The following SPAG16 variants were observed in gnomAD, a reference collection of about 807,000 sequenced individuals.
SPAG16 encodes sperm associated antigen 16.
A neutral mutation model predicts 80.4 loss-of-function variants in SPAG16; 86 were observed. That is an observed-to-expected ratio of 1.07 (90% CI 0.90 to 1.28). The LOEUF (loss-of-function observed/expected upper bound fraction) is 1.28, where lower values mean the gene tolerates loss of function less well. Ranked by LOEUF, SPAG16 falls within the 50% of genes most tolerant of loss-of-function variation. The probability of loss-of-function intolerance (pLI) is 0.00; values close to 1 mark genes in which losing one functional copy is unlikely to be tolerated. For synonymous variants in SPAG16, 294 were observed against 265.9 expected (o/e 1.11, Z -1.03); for missense variants, 870 against 765.3 (o/e 1.14, Z -1.61).
chr2:213,312,724 T>A (rs2063246079), intron 4 of SPAG16, among the ~76,000 whole-genome samples: 1 of 151,782 alleles, frequency 6.6e-6, no homozygotes, highest in African/African-American at 2.4e-5. Flanking sequence ...AATTACTAAT[T>A]TAATTTTTTT....
rs79736503 is a variant in SPAG16 at position 213,321,659 on chromosome 2, A to G, written c.536+4303A>G. Among the ~76,000 whole-genome samples the G allele has an allele frequency of 3.9e-3, 592 of 152,228 alleles. 5 individuals carry two copies. Among genetic ancestry groups the G allele is most frequent in the Non-Finnish European group, 6.0e-3 (406 of 67,976 alleles). On this transcript the variant is annotated intron_variant, in intron 5 of 15. Coordinates refer to ENST00000331683, the MANE Select transcript of SPAG16 (RefSeq NM_024532.5). ...GCCATAATTAAAGCAGGGAATTGTC[A>G]TTTTCTCTGTTGTCAACAGTGTCAA...
At chr2:214,140,496 A>G (rs186055234) in intron 14 of SPAG16, among the ~76,000 whole-genome samples, 1 of 152,080 alleles carries the variant, frequency 6.6e-6, no homozygotes, top group East Asian at 1.9e-4. Flanking sequence ...AAAATGTTGT[A>G]TATCTTTCCT....
rs68152101 is a variant in SPAG16, at chr2:213,694,042, CAA to C, written c.1071-168432_1071-168431del. Among the ~76,000 whole-genome samples the C allele has an allele frequency of 2.5e-3, 301 of 121,346 alleles. 2 individuals carry two copies. The highest frequency in any genetic ancestry group is 9.2e-3 in the African/African-American group (284 of 30,876). The allele number at this position is 121,346 out of a possible 152,430, so 79.6% of individuals were successfully genotyped here. On this transcript the variant is annotated intron_variant, in intron 10 of 15. Coordinates refer to ENST00000331683, the MANE Select transcript of SPAG16 (RefSeq NM_024532.5). ...TCATTCTTTGGTGCTTTATGCAAGA[CAA>C]AAAAAAAAAAGAAAAAAGAGAGGGA...
At chr2:213,757,430 G>A (rs575447561) in intron 10 of SPAG16, among the ~76,000 whole-genome samples, 1 of 152,062 alleles carries the variant, frequency 6.6e-6, no homozygotes, top group South Asian at 2.1e-4. Flanking sequence ...TGGAGGTCCT[G>A]CACTTCCTGA....
intron 15 of SPAG16, among the ~76,000 whole-genome samples, chr2:214,401,023 T>G (rs1343026989): frequency 6.6e-6 from 1 of 151,996 alleles, no homozygotes; most frequent in Non-Finnish European, 1.5e-5. Flanking sequence ...TACTAGCACT[T>G]AGGTAAGTTA....
intron 12 of SPAG16, among the ~76,000 whole-genome samples, chr2:213,977,124 G>A (rs2045452591): frequency 6.6e-6 from 1 of 151,958 alleles, no homozygotes; most frequent in African/African-American, 2.4e-5. Context: ...GGATATGGGA[G>A]GGAACCATAC....
intron 1 of SPAG16, among the ~76,000 whole-genome samples, chr2:213,290,684 ATT>A (rs1451170966): frequency 1.1e-4 from 16 of 152,306 alleles, no homozygotes; most frequent in African/African-American, 3.8e-4. Flanking sequence ...GAGAACTGTG[ATT>A]AGCTTAATTG....
intron 15 of SPAG16, among the ~76,000 whole-genome samples, chr2:214,230,415 C>T (rs910303167): frequency 2.0e-5 from 3 of 151,994 alleles, no homozygotes; most frequent in South Asian, 4.1e-4. Context: ...TCTGGCTGTG[C>T]ACAAATTCTT....
intron 12 of SPAG16, among the ~76,000 whole-genome samples, chr2:213,958,609 A>G (rs1339844302): frequency 1.3e-5 from 2 of 152,206 alleles, no homozygotes; most frequent in African/African-American, 4.8e-5. Flanking sequence ...ATGTTCCAAA[A>G]TTATATCTTT....
intron 10 of SPAG16, among the ~76,000 whole-genome samples, chr2:213,858,707 G>T (rs1345181949): frequency 6.6e-6 from 1 of 152,122 alleles, no homozygotes; most frequent in East Asian, 1.9e-4. Context: ...ATCCTATAAA[G>T]TATTAGTTAT....
chr2:213,932,147 CATATATATATATATAT>C (rs61264162), intron 12 of SPAG16, among the ~76,000 whole-genome samples: 410 of 30,506 alleles, frequency 0.013, 4 homozygotes, highest in African/African-American at 0.026. Flanking sequence ...CTTGATACTG[CATATATATATATATAT>C]ATATATATAT....
chr2:213,364,223 G>A, intron 8 of SPAG16, 78 bp downstream of exon 8: 1 of 855,234 alleles, frequency 1.2e-6, no homozygotes, highest in Non-Finnish European at 1.7e-6. Context: ...TAATATTCTA[G>A]AGATATTTAA....
At chr2:213,586,072 C>G (rs1010985230) in intron 10 of SPAG16, among the ~76,000 whole-genome samples, 1 of 152,148 alleles carries the variant, frequency 6.6e-6, no homozygotes, top group South Asian at 2.1e-4. Context: ...AGAAGTAGTA[C>G]ATTCAACTTA....
rs1031999363 is a variant in SPAG16, at chr2:213,499,857, C to G, written c.1070+9767C>G. 2.6e-5 allele frequency among the ~76,000 whole-genome samples: 4 copies of G among 152,224 alleles called. No homozygotes were observed. In the East Asian group the frequency reaches 7.7e-4, roughly 29 times the overall value. On this transcript the variant is annotated intron_variant, in intron 10 of 15. Transcript: ENST00000331683. Reference sequence around the variant, plus strand: ...TCTTACTCTTGCTTGTCTGTTTTCTCAACAGTCATCCCCCAATTCTCATAC... The same window carrying G: ...TCTTACTCTTGCTTGTCTGTTTTCTGAACAGTCATCCCCCAATTCTCATAC...
At chr2:214,164,371 A>G (rs2056568457) in intron 15 of SPAG16, among the ~76,000 whole-genome samples, 1 of 152,172 alleles carries the variant, frequency 6.6e-6, no homozygotes, top group Non-Finnish European at 1.5e-5. Context: ...TTACTTCTCT[A>G]TGAAGTGATA....
At chr2:213,417,997 C>T (rs1005327205) in intron 9 of SPAG16, among the ~76,000 whole-genome samples, 1 of 151,798 alleles carries the variant, frequency 6.6e-6, no homozygotes, top group African/African-American at 2.4e-5. Flanking sequence ...CCTCAGCCTT[C>T]CAAGTAGTGG....
At chr2:214,323,437 A>G (rs1267438158) in intron 15 of SPAG16, among the ~76,000 whole-genome samples, 2 of 152,140 alleles carry the variant, frequency 1.3e-5, no homozygotes, top group East Asian at 3.8e-4. Context: ...GGTCATATTT[A>G]TCTCAAGATG....
chr2:214,231,074 T>C (rs1431493988), intron 15 of SPAG16, among the ~76,000 whole-genome samples: 1 of 151,912 alleles, frequency 6.6e-6, no homozygotes, highest in African/African-American at 2.4e-5. Flanking sequence ...ATGTTGTCTG[T>C]AATAATGCTT....
At chr2:214,316,553 A>G (rs1318248342) in intron 15 of SPAG16, among the ~76,000 whole-genome samples, 1 of 152,204 alleles carries the variant, frequency 6.6e-6, no homozygotes, top group Non-Finnish European at 1.5e-5. Flanking sequence ...AAAGTTGTAG[A>G]TGGTAACTGT....
Sources: gnomAD v4.1 joint callset for allele counts (sites outside exome capture counted in the v4.1 genomes callset) on GRCh38, gnomAD v4.1.1 for gene constraint, MANE v1.5 for transcripts, NCBI Gene and HGNC (gene_info 2026-07-23, HGNC 2026-07-21) for gene names.